Variants in ELANE observed in about 807,000 individuals in gnomAD.
ELANE encodes neutrophil elastase.
A neutral mutation model predicts 20.6 loss-of-function variants in ELANE; 12 were observed. The ratio of observed to expected loss-of-function variants is 0.58; its 90% confidence interval spans 0.37 to 0.94. The LOEUF (loss-of-function observed/expected upper bound fraction) is 0.94. Ranked by LOEUF, ELANE falls within the 40% of genes least tolerant of loss-of-function variation. The pLI, the probability that ELANE is intolerant of heterozygous loss-of-function variation, is 0.01. For missense variants in ELANE, 388 were observed against 395.2 expected, an observed-to-expected ratio of 0.98 and a Z score of 0.15; for synonymous variants, 203 against 177.4, an observed-to-expected ratio of 1.14 and a Z score of -1.15.
chr19:853,191 G>A, intron 2 of ELANE, 71 bp from the exon 3 acceptor site: 4 of 1,514,082 alleles, frequency 2.6e-6, no homozygotes, highest in Non-Finnish European at 3.5e-6. Context: ...TCGCCGGATG[G>A]GGACGACAAG....
Position 855,786 on chromosome 19 carries a change from G to A in ELANE, c.589G>A (p.Val197Ile), listed in dbSNP as rs1471191879. Residue 197 changes from valine (V) to isoleucine (I), a missense_variant, in exon 4 of 5, where the codon GTC (valine) becomes ATC (isoleucine). Val to Ile is a conservative substitution (Grantham distance 29). Transcript: ENST00000263621. The surrounding 1 kb of genome is among the most constrained non-coding windows in gnomAD (Gnocchi z 6.2). ...TCTCGTGAGGGGCCGGCAGGCCGGCGTCTGTTTCGTACGTGCCCTGGGTGT... is the reference window on the plus strand; with the variant it reads ...TCTCGTGAGGGGCCGGCAGGCCGGCATCTGTTTCGTACGTGCCCTGGGTGT... ...CTLVRGRQAG[V>I]CFGDSGSPLV... The A allele has an allele frequency of 2.5e-6, 4 of 1,608,510 alleles. No individual in the cohort carries two copies. The highest frequency in any genetic ancestry group is 2.2e-5 in the East Asian group (1 of 44,878).
chr19:856,081 T>G lies in ELANE; in HGVS notation c.721T>G (p.Trp241Gly). ...TGCCCCGGTGGCACAGTTTGTAAAC[T>G]GGATCGACTCTATCATCCAACGCTC... is the stretch of plus-strand genomic sequence containing the variant. Reference protein sequence around the residue: ...AFAPVAQFVNWIDSIIQRSED... With the variant: ...AFAPVAQFVNGIDSIIQRSED... Residue 241 changes from tryptophan to glycine, a missense_variant, in exon 5 of 5, where the codon TGG becomes GGG. By Grantham distance (184) the Trp-to-Gly change is radical (BLOSUM62 -2). This residue lies in a region of ELANE where 321 missense variants were observed against 309.8 expected (regional missense o/e 1.04). Transcript: ENST00000263621. 1 of 1,613,384 alleles carries G rather than the reference T, an allele frequency of 6.2e-7. No individual in the cohort carries two copies. The highest frequency in any genetic ancestry group is 8.5e-7 in the Non-Finnish European group (1 of 1,180,020).
At chr19:854,802 T>C (rs1471001638) in intron 3 of ELANE, among the ~76,000 whole-genome samples, 1 of 146,470 alleles carries the variant, frequency 6.8e-6, no homozygotes. Context: ...AAATAATAAA[T>C]ATAAAATATA....
intron 3 of ELANE, among the ~76,000 whole-genome samples, chr19:854,888 C>G (rs985494989): frequency 5.3e-5 from 8 of 150,966 alleles, no homozygotes; most frequent in African/African-American, 1.9e-4. Flanking sequence ...AAGTCTCGCT[C>G]TGTCGCCCAG....
In ELANE at chr19:855,961, G is replaced by T. The variant is rs1325418139; in HGVS notation, c.601G>T (p.Asp201Tyr). 2 of 1,613,178 alleles carry T rather than the reference G, an allele frequency of 1.2e-6. No individual in the cohort carries two copies. Among genetic ancestry groups the T allele is most frequent in the East Asian group, 2.2e-5 (1 of 44,884 alleles). Residue 201 changes from aspartate (D) to tyrosine (Y), a missense_variant, in exon 5 of 5, where the codon GAC (aspartate) becomes TAC (tyrosine). This residue lies in a region of ELANE where 321 missense variants were observed against 309.8 expected (regional missense o/e 1.04). Transcript: ENST00000263621. The surrounding 1 kb of genome is among the most constrained non-coding windows in gnomAD (Gnocchi z 6.2). ...RGRQAGVCFG[D>Y]SGSPLVCNGL... ...CCCACCTTGTCTGCCTCCACAGGGG[G>T]ACTCCGGCAGCCCCTTGGTCTGCAA...
At chr19:853,541 G>A in intron 3 of ELANE, 138 bp downstream of exon 3, 2 of 1,005,520 alleles carry the variant, frequency 2.0e-6, no homozygotes, top group South Asian at 3.2e-5. Context: ...CCCTCTCCGC[G>A]CCTCGGTCTG....
intron 1 of ELANE, 76 bp downstream of exon 1, chr19:852,471 C>G (rs2035609015): frequency 6.5e-7 from 1 of 1,533,966 alleles, no homozygotes; most frequent in South Asian, 1.2e-5. Flanking sequence ...GAGGGCCCCA[C>G]CAGTGTGGGT....
chr19:852,756 T>C, intron 1 of ELANE, 120 bp from the exon 2 acceptor site: 2 of 1,397,912 alleles, frequency 1.4e-6, no homozygotes, highest in South Asian at 2.8e-5. Context: ...CGGTGGGGGA[T>C]CCCGTGGGTT....
rs2035657753 is a variant in ELANE, at chr19:855,160, T to A, written c.367-404T>A. Reference sequence around the variant, plus strand: ...GAGCCACCGCACCTGGCAATTTTTTTTTATTATTTTTGTAGACATGGGGCT... The same window carrying A: ...GAGCCACCGCACCTGGCAATTTTTTATTATTATTTTTGTAGACATGGGGCT... On this transcript the variant is annotated intron_variant, in intron 3 of 4. Coordinates refer to ENST00000263621, the MANE Select transcript of ELANE (RefSeq NM_001972.4). The surrounding 1 kb of genome is among the most constrained non-coding windows in gnomAD (Gnocchi z 6.2). Among the ~76,000 whole-genome samples the A allele has an allele frequency of 6.6e-6, 1 of 152,160 alleles. No individual in the cohort carries two copies. The highest frequency in any genetic ancestry group is 1.9e-4 in the East Asian group (1 of 5,166).
Position 853,311 on chromosome 19 carries a change from C to G in ELANE, c.274C>G (p.Arg92Gly), listed in dbSNP as rs1386755655. 1.2e-6 allele frequency: 2 copies of G among 1,610,756 alleles called. No homozygotes were observed. Among genetic ancestry groups the G allele is most frequent in the African/African-American group, 2.7e-5 (2 of 74,864 alleles). ...CCTGGGAGCCCATAACCTCTCGCGG[C>G]GGGAGCCCACCCGGCAGGTGTTCGC... ...VVLGAHNLSR[R>G]EPTRQVFAVQ... The change falls in exon 3 of 5, where the codon CGG (arginine) becomes GGG (glycine). Residue 92 changes from arginine to glycine, a missense_variant. Physicochemically the swap from Arg to Gly is moderately radical, Grantham distance 125. Around this residue, in one of 3 missense-constraint regions of ELANE, gnomAD observed 321 missense variants for 309.8 expected, o/e 1.04. Transcript: ENST00000263621.
intron 1 of ELANE, 106 bp from the exon 2 acceptor site, chr19:852,770 G>C (rs775299038): frequency 7.1e-5 from 104 of 1,458,826 alleles, no homozygotes; most frequent in Non-Finnish European, 3.5e-5. Flanking sequence ...GTGGGTTCCC[G>C]GTGGGGGATC....
Position 855,944 on chromosome 19 carries a change from G to C in ELANE, c.598-14G>C. ...CCTCGCAGTCCAGCTTCCCCACCTT[G>C]TCTGCCTCCACAGGGGGACTCCGGC... On this transcript the variant is annotated splice_polypyrimidine_tract_variant and intron_variant, in intron 4 of 4. Coordinates refer to ENST00000263621, the MANE Select transcript of ELANE (RefSeq NM_001972.4). The surrounding 1 kb of genome is among the most constrained non-coding windows in gnomAD (Gnocchi z 6.2). 6.2e-7 allele frequency: 1 copy of C among 1,612,958 alleles called. No individual in the cohort carries two copies. The highest frequency in any genetic ancestry group is 8.5e-7 in the Non-Finnish European group (1 of 1,180,016).
chr19:855,741 C>A lies in ELANE; in HGVS notation c.544C>A (p.Arg182Ser), dbSNP rs1336866933. ...LNVTVVTSLC[R>S]RSNVCTLVRG... ...CGTGACGGTGGTGACGTCCCTCTGC[C>A]GTCGCAGCAACGTCTGCACTCTCGT... Residue 182 changes from arginine (R) to serine (S), a missense_variant, in exon 4 of 5, where the codon CGT becomes AGT. Arg to Ser is a moderately radical substitution (Grantham distance 110, BLOSUM62 -1). Around this residue, in one of 3 missense-constraint regions of ELANE, gnomAD observed 321 missense variants for 309.8 expected, o/e 1.04. Coordinates refer to ENST00000263621, the MANE Select transcript of ELANE (RefSeq NM_001972.4). This position sits in a 1 kb window ranked among gnomAD's most constrained non-coding sequence, Gnocchi z 6.2. 1.2e-6 allele frequency: 2 copies of A among 1,609,502 alleles called. No individual in the cohort carries two copies. Among genetic ancestry groups the A allele is most frequent in the Non-Finnish European group, 1.7e-6 (2 of 1,179,948 alleles).
rs747957936 is a variant in ELANE, at chr19:856,132, C to T, written c.772C>T (p.Arg258Trp). 8.1e-6 allele frequency: 13 copies of T among 1,612,892 alleles called. No individual in the cohort carries two copies. The highest frequency in any genetic ancestry group is 1.6e-4 in the Middle Eastern group (1 of 6,082). The change falls in exon 5 of 5, where the codon CGG (arginine) becomes TGG (tryptophan). Residue 258 changes from arginine (R) to tryptophan (W), a missense_variant. This residue lies in a region of ELANE where 321 missense variants were observed against 309.8 expected (regional missense o/e 1.04). Transcript: ENST00000263621. ...RSEDNPCPHP[R>W]DPDPASRTH The stretch of plus-strand genomic sequence containing the variant: ...CGAGGACAACCCCTGTCCCCACCCC[C>T]GGGACCCGGACCCGGCCAGCAGGAC...
intron 1 of ELANE, among the ~76,000 whole-genome samples, 156 bp from the exon 2 acceptor site, chr19:852,720 C>T (rs1212981647): frequency 1.3e-5 from 2 of 148,944 alleles, no homozygotes; most frequent in African/African-American, 2.5e-5. Context: ...AACAGGGGTG[C>T]GAACGGCCCC....
chr19:853,477 G>A (rs1371610939), intron 3 of ELANE, 74 bp downstream of exon 3: 1 of 1,511,686 alleles, frequency 6.6e-7, no homozygotes, highest in African/African-American at 1.4e-5. Context: ...GCGACGGAGG[G>A]GCGCGTCGGG....
chr19:856,228 C>T lies in ELANE; in HGVS notation c.*64C>T, dbSNP rs2035680544. 6 of 1,584,696 alleles carry T rather than the reference C, an allele frequency of 3.8e-6. No homozygotes were observed. The East Asian group carries it at 6.7e-5, about 18-fold the overall frequency. ...ACTCTCCAGCATCTGGCACAATAAA[C>T]ATTCTCTGTTTTGTAGAATGTGTTT... On this transcript the variant is annotated 3_prime_UTR_variant, in exon 5 of 5. Coordinates refer to ENST00000263621, the MANE Select transcript of ELANE (RefSeq NM_001972.4).
intron 2 of ELANE, 42 bp from the exon 3 acceptor site, chr19:853,220 C>T (rs751974314): frequency 6.4e-7 from 1 of 1,552,152 alleles, no homozygotes. Flanking sequence ...GAGCCCCGAC[C>T]CCCGGGGCCG....
At chr19:852,754 G>C in intron 1 of ELANE, 122 bp from the exon 2 acceptor site, 1 of 1,392,886 alleles carries the variant, frequency 7.2e-7, no homozygotes, top group Non-Finnish European at 9.5e-7. Flanking sequence ...CCCGGTGGGG[G>C]ATCCCGTGGG....
Sources: allele counts gnomAD v4.1 joint callset (sites outside exome capture counted in the v4.1 genomes callset), GRCh38; gene constraint gnomAD v4.1.1; regional missense constraint gnomAD v4.1.1; non-coding constraint Gnocchi (gnomAD v3.1); transcripts MANE v1.5; gene names NCBI Gene and HGNC (gene_info 2026-07-23, HGNC 2026-07-21).